The following MLIP variants were observed in gnomAD, a reference collection of about 807,000 sequenced individuals.
MLIP encodes muscular LMNA interacting protein.
MLIP carries 79 observed loss-of-function variants against 84.8 expected under a neutral mutation model. The observed-to-expected ratio is 0.93, with a 90% CI of 0.78 to 1.12. The LOEUF is 1.12. MLIP is among the 50% of genes most tolerant of loss of function. The pLI is 0.00. For synonymous variants in MLIP, 504 were observed against 463.0 expected (o/e 1.09, Z -1.14); for missense variants, 1,257 against 1,160.6 (o/e 1.08, Z -1.21).
At chr6:54,077,031 C>A (rs1048725550) in intron 1 of MLIP, among the ~76,000 whole-genome samples, 2 of 152,146 alleles carry the variant, frequency 1.3e-5, no homozygotes, top group Admixed American at 6.5e-5. Flanking sequence ...TGTGTTAGAA[C>A]AAATACTGAG....
chr6:54,033,557 G>T (rs529961014), intron 1 of MLIP, among the ~76,000 whole-genome samples: 2 of 152,118 alleles, frequency 1.3e-5, no homozygotes, highest in South Asian at 4.2e-4. Context: ...GAGCCACCAC[G>T]CCCGGGTGGA....
intron 11 of MLIP, among the ~76,000 whole-genome samples, chr6:54,206,648 G>A (rs915555704): frequency 6.6e-6 from 1 of 151,882 alleles, no homozygotes; most frequent in African/African-American, 2.4e-5. Flanking sequence ...TTAGACATCT[G>A]ACTTGCCTCT....
chr6:54,197,641 CTGGA>C (rs1309487008), intron 10 of MLIP, among the ~76,000 whole-genome samples: 7 of 151,966 alleles, frequency 4.6e-5, no homozygotes, highest in Non-Finnish European at 1.0e-4. Context: ...TCCACATAGG[CTGGA>C]AAGAAAATTA....
chr6:54,198,097 G>A (rs916199838), intron 10 of MLIP, among the ~76,000 whole-genome samples: 1 of 152,076 alleles, frequency 6.6e-6, no homozygotes, highest in African/African-American at 2.4e-5. Flanking sequence ...ATCTCTACAT[G>A]AGCAGCACAT....
intron 1 of MLIP, among the ~76,000 whole-genome samples, chr6:54,078,057 T>C (rs144391456): frequency 6.6e-6 from 1 of 152,296 alleles, no homozygotes; most frequent in South Asian, 2.1e-4. Flanking sequence ...CCCACAAGAC[T>C]TACTGTCATT....
rs561029327 is a variant in MLIP, at chr6:54,226,726, A to G, written c.2719-3988A>G. 2.8e-5 allele frequency among the ~76,000 whole-genome samples: 4 copies of G among 143,302 alleles called. No individual in the cohort carries two copies. The East Asian group carries it at 5.8e-4, about 21-fold the overall frequency. The allele number at this position is 143,302 out of a possible 152,430, so 94.0% of individuals were successfully genotyped here. On this transcript the variant is annotated intron_variant, in intron 11 of 13. Coordinates refer to ENST00000502396, the MANE Select transcript of MLIP (RefSeq NM_001281747.2). ...CAAGAACATCAATATTTTTACAGATAGATAAGATAGTGCCTCTATAAAATC... is the reference window on the plus strand; with the variant it reads ...CAAGAACATCAATATTTTTACAGATGGATAAGATAGTGCCTCTATAAAATC...
At chr6:54,086,204 T>C (rs954534821) in intron 1 of MLIP, among the ~76,000 whole-genome samples, 7 of 152,186 alleles carry the variant, frequency 4.6e-5, no homozygotes, top group African/African-American at 1.7e-4. Context: ...AGGTTGTACA[T>C]GCTCTCTATA....
intron 11 of MLIP, among the ~76,000 whole-genome samples, chr6:54,222,555 T>A (rs1213896017): frequency 6.6e-6 from 1 of 152,116 alleles, no homozygotes; most frequent in Non-Finnish European, 1.5e-5. Context: ...ATTTCCTTGT[T>A]GTTTAAGGCT....
At chr6:54,134,162 C>T (rs1771617047) in intron 3 of MLIP, among the ~76,000 whole-genome samples, 2 of 152,170 alleles carry the variant, frequency 1.3e-5, no homozygotes, top group South Asian at 2.1e-4. Context: ...AAGGGATTTA[C>T]AGGAAGAGGT....
At chr6:54,263,245 C>G (rs9474781) in intron 13 of MLIP, among the ~76,000 whole-genome samples, 14,199 of 151,970 alleles carry the variant, frequency 0.093, 2,213 homozygotes, top group African/African-American at 0.32. Flanking sequence ...GTTTTGACCC[C>G]AGATTCAACA....
In MLIP at chr6:54,149,061, C is replaced by G; in HGVS notation, c.2223C>G (p.Tyr741Ter). 1 of 1,612,712 alleles carries G rather than the reference C, an allele frequency of 6.2e-7. No individual in the cohort carries two copies. Among genetic ancestry groups the G allele is most frequent in the Non-Finnish European group, 8.5e-7 (1 of 1,179,122 alleles). ...TGPENKKSKQ[Y>*]KTKSSYKAFA... is the part of the protein sequence containing the mutation. Reference sequence around the variant, plus strand: ...TTTCTGGTTGCCCATTCTAGCAATACAAGACCAAGTCAAGCTACAAGGCTT... The same window carrying G: ...TTTCTGGTTGCCCATTCTAGCAATAGAAGACCAAGTCAAGCTACAAGGCTT... The change falls in exon 5 of 14, where the codon TAC becomes TAG. Residue 741 changes from tyrosine (Y) to a stop codon, truncating the protein, a stop_gained. Transcript: ENST00000502396. LOFTEE classifies it high-confidence loss of function.
chr6:54,081,433 G>A (rs1767141378), intron 1 of MLIP, among the ~76,000 whole-genome samples: 2 of 152,000 alleles, frequency 1.3e-5, no homozygotes, highest in South Asian at 4.2e-4. Context: ...TTGAGACAGA[G>A]TTTCGTTTAT....
At chr6:54,078,178 T>C (rs73741426) in intron 1 of MLIP, among the ~76,000 whole-genome samples, 4,005 of 152,334 alleles carry the variant, frequency 0.026, 152 homozygotes, top group African/African-American at 0.092. Context: ...AATGGATTTG[T>C]AATCAGTTTG....
chr6:54,047,450 C>T (rs896052898), intron 1 of MLIP: 2 of 152,098 alleles, frequency 1.3e-5, no homozygotes, highest in African/African-American at 4.8e-5. Flanking sequence ...ACAGTAAGTG[C>T]ATAAAATTAA....
chr6:54,082,323 C>A (rs1251192879), intron 1 of MLIP, among the ~76,000 whole-genome samples: 1 of 152,112 alleles, frequency 6.6e-6, no homozygotes, highest in Non-Finnish European at 1.5e-5. Flanking sequence ...TACACGATTT[C>A]TTGGGCTAGG....
chr6:54,057,828 C>T (rs1348341608), intron 1 of MLIP: 1 of 152,034 alleles, frequency 6.6e-6, no homozygotes, highest in South Asian at 2.1e-4. Flanking sequence ...AATAGAGCTC[C>T]TGTTTTACTG....
intron 9 of MLIP, among the ~76,000 whole-genome samples, chr6:54,175,929 T>G (rs115560594): frequency 0.011 from 1,624 of 152,018 alleles, 34 homozygotes; most frequent in African/African-American, 0.036. Context: ...TTTTTGAGAG[T>G]TTTTTAATCA....
chr6:54,252,351 A>G (rs1163865885), intron 12 of MLIP, among the ~76,000 whole-genome samples: 6 of 119,132 alleles, frequency 5.0e-5, no homozygotes, highest in Non-Finnish European at 6.2e-5. Context: ...TAATATAACT[A>G]TAATATACCA....
At chr6:54,163,982 T>G (rs2150573161) in intron 8 of MLIP, among the ~76,000 whole-genome samples, 1 of 152,078 alleles carries the variant, frequency 6.6e-6, no homozygotes, top group South Asian at 2.1e-4. Flanking sequence ...CCCAGGCTTC[T>G]TTGTCTTCAA....
Sources: allele counts gnomAD v4.1 joint callset (sites outside exome capture counted in the v4.1 genomes callset), GRCh38; gene constraint gnomAD v4.1.1; transcripts MANE v1.5; gene names NCBI Gene and HGNC (gene_info 2026-07-23, HGNC 2026-07-21).